Variants in CELF2 observed in about 807,000 individuals in gnomAD.
CELF2 encodes the protein CUG triplet repeat RNA-binding protein 2.
Under a neutral mutation model 62.6 loss-of-function variants are expected in CELF2, and 8 were observed. The ratio of observed to expected loss-of-function variants is 0.13; its 90% confidence interval spans 0.07 to 0.23. CELF2 has a LOEUF of 0.23. CELF2 is among the 10% of genes least tolerant of loss of function. The pLI is 1.00. For synonymous variants in CELF2, 258 were observed against 250.0 expected, an observed-to-expected ratio of 1.03 and a Z score of -0.30; for missense variants, 333 against 671.0, an observed-to-expected ratio of 0.50 and a Z score of 5.56.
At chr10:10,722,629 A>T in the CELF2 span, among the ~76,000 whole-genome samples, 7 of 152,254 alleles carry the variant, frequency 4.6e-5, no homozygotes, top group African/African-American at 1.4e-4. Flanking sequence ...TCAAGAATAG[A>T]ATGTTATAGC....
chr10:11,264,496 A>G (rs1015148355), intron 5 of CELF2, among the ~76,000 whole-genome samples: 1 of 152,248 alleles, frequency 6.6e-6, no homozygotes, highest in African/African-American at 2.4e-5. Context: ...CTTGGTTTCA[A>G]ATCTATCTCC....
At chr10:10,905,455 A>G (rs2063254947) in intron 1 of CELF2, among the ~76,000 whole-genome samples, 1 of 152,190 alleles carries the variant, frequency 6.6e-6, no homozygotes, top group African/African-American at 2.4e-5. Flanking sequence ...ATAATCTAAA[A>G]TTTGAGGCTG....
chr10:10,464,017 A>G, the CELF2 span, among the ~76,000 whole-genome samples: 9 of 151,356 alleles, frequency 5.9e-5, no homozygotes, highest in African/African-American at 1.9e-4. Context: ...CATCTTATAG[A>G]GAATGTGGCA....
the CELF2 span, among the ~76,000 whole-genome samples, chr10:10,531,219 A>G: frequency 2.0e-5 from 3 of 152,226 alleles, no homozygotes; most frequent in African/African-American, 7.2e-5. Flanking sequence ...CAGTTTCTCA[A>G]GTGGGCCCTG....
intron 1 of CELF2, among the ~76,000 whole-genome samples, chr10:10,838,078 G>C (rs924738932): frequency 6.6e-6 from 1 of 152,048 alleles, no homozygotes; most frequent in Non-Finnish European, 1.5e-5. Context: ...TTAGTGTCAC[G>C]TTTCCTTGGG....
intron 1 of CELF2, among the ~76,000 whole-genome samples, chr10:10,871,100 G>A (rs994127776): frequency 6.6e-6 from 1 of 152,128 alleles, no homozygotes; most frequent in African/African-American, 2.4e-5. Flanking sequence ...GACTAAAGGT[G>A]GCTATGTAGA....
chr10:10,683,589 CT>C, the CELF2 span, among the ~76,000 whole-genome samples: 393 of 152,178 alleles, frequency 2.6e-3, no homozygotes, highest in African/African-American at 9.2e-3. Flanking sequence ...ATGTAGTGAA[CT>C]GAATAAAATA....
At chr10:11,015,902 A>G (rs2057191344), upstream of CELF2, among the ~76,000 whole-genome samples, 1 of 151,766 alleles carries the variant, frequency 6.6e-6, no homozygotes, top group South Asian at 2.1e-4. This position sits in a 1 kb window ranked among gnomAD's most constrained non-coding sequence, Gnocchi z 4.8. Context: ...GTACATGTTA[A>G]TGAAACATGT....
intron 9 of CELF2, among the ~76,000 whole-genome samples, chr10:11,291,114 C>T (rs2092462665): frequency 6.6e-6 from 1 of 152,152 alleles, no homozygotes; most frequent in Non-Finnish European, 1.5e-5. Context: ...ACTATTTGGA[C>T]CATGAGCCAG....
At chr10:11,304,746 G>A (rs1366265759) in intron 9 of CELF2, among the ~76,000 whole-genome samples, 1 of 152,168 alleles carries the variant, frequency 6.6e-6, no homozygotes, top group Non-Finnish European at 1.5e-5. Flanking sequence ...GCCACATTGG[G>A]GATAAAGTTT....
At chr10:11,317,284 C>G (rs1471833830) in intron 10 of CELF2, 7 of 151,966 alleles carry the variant, frequency 4.6e-5, no homozygotes, top group African/African-American at 1.4e-4. Context: ...CGTGGCTTGG[C>G]ACTACTTGCA....
Position 10,972,493 on chromosome 10 carries a change from C to G in CELF2, c.89+52494C>G, listed in dbSNP as rs2050855458. Reference sequence around the variant, plus strand: ...TCCCCCTACATCTGTCCTTGTAATTCTCCTTTCTCTTGGTATTTCTCAGCT... The same window carrying G: ...TCCCCCTACATCTGTCCTTGTAATTGTCCTTTCTCTTGGTATTTCTCAGCT... On this transcript the variant is annotated intron_variant, in intron 2 of 13. Transcript: ENST00000636488. The surrounding 1 kb of genome is among the most constrained non-coding windows in gnomAD (Gnocchi z 4.4). Among the ~76,000 whole-genome samples, 1 of 152,154 alleles carries G rather than the reference C, an allele frequency of 6.6e-6. No homozygotes were observed.
chr10:11,194,316 G>A (rs532713770), intron 2 of CELF2, among the ~76,000 whole-genome samples: 29 of 152,034 alleles, frequency 1.9e-4, no homozygotes, highest in South Asian at 4.2e-4. Context: ...CACCTGCCTC[G>A]GCTTCCCAAA....
rs971691685 is a variant in CELF2 at position 10,882,439 on chromosome 10, G to A, written c.54-37525G>A. On this transcript the variant is annotated intron_variant, in intron 1 of 13. Transcript: ENST00000636488. Reference sequence around the variant, plus strand: ...CTTGACCACAAAGGGAAGGTGTTCTGTTGTCACTAAATTACTTGTCTGAAC... The same window carrying A: ...CTTGACCACAAAGGGAAGGTGTTCTATTGTCACTAAATTACTTGTCTGAAC... 3.3e-5 allele frequency among the ~76,000 whole-genome samples: 5 copies of A among 152,184 alleles called. No homozygotes were observed. The East Asian group carries it at 9.6e-4, about 29-fold the overall frequency.
rs1047293935 is a variant in CELF2 at position 11,268,551 on chromosome 10, T to C, written c.618+1874T>C. On this transcript the variant is annotated intron_variant, in intron 6 of 12. Coordinates refer to ENST00000633077, the MANE Select transcript of CELF2 (RefSeq NM_001326342.2). This position sits in a 1 kb window ranked among gnomAD's most constrained non-coding sequence, Gnocchi z 4.7. ...CAGTAGGTTCCCATCATGTAAAGAG[T>C]TGGTTTGACCACTGGGGCATATTTA... Among the ~76,000 whole-genome samples, 1 of 152,106 alleles carries C rather than the reference T, an allele frequency of 6.6e-6. No homozygotes were observed. The highest frequency in any genetic ancestry group is 1.5e-5 in the Non-Finnish European group (1 of 68,002).
chr10:11,279,294 A>G (rs2087371806), intron 8 of CELF2, among the ~76,000 whole-genome samples: 1 of 152,216 alleles, frequency 6.6e-6, no homozygotes, highest in African/African-American at 2.4e-5. Flanking sequence ...CAATAACATT[A>G]TGGAGTGCAA....
intron 2 of CELF2, among the ~76,000 whole-genome samples, chr10:10,988,278 T>A (rs909937904): frequency 7.3e-5 from 8 of 109,786 alleles, no homozygotes; most frequent in African/African-American, 5.0e-4. Context: ...TGTGTGTGTG[T>A]ATATATATAT....
At chr10:10,799,165 C>T (rs558850766) in intron 1 of CELF2, among the ~76,000 whole-genome samples, 109 of 152,278 alleles carry the variant, frequency 7.2e-4, no homozygotes, top group Middle Eastern at 3.4e-3. Context: ...ATGTGGTCAA[C>T]TTTCTGGGAC....
At chr10:10,924,214 G>A (rs868591500) in intron 2 of CELF2, among the ~76,000 whole-genome samples, 14 of 145,262 alleles carry the variant, frequency 9.6e-5, no homozygotes, top group Admixed American at 7.8e-4. Context: ...CCCGGGAGGC[G>A]GAGCTTGCAG....
Sources: allele counts gnomAD v4.1 joint callset (sites outside exome capture counted in the v4.1 genomes callset), GRCh38; gene constraint gnomAD v4.1.1; non-coding constraint Gnocchi (gnomAD v3.1); transcripts MANE v1.5; gene names NCBI Gene and HGNC (gene_info 2026-07-23, HGNC 2026-07-21).